The following MYH14 variants were observed in gnomAD, a reference collection of about 807,000 sequenced individuals.
The protein encoded by MYH14 is myosin heavy chain 14.
Under a neutral mutation model 255.5 loss-of-function variants are expected in MYH14, and 123 were observed. The observed-to-expected ratio is 0.48, with a 90% CI of 0.42 to 0.56. The LOEUF is 0.56. Ranked by LOEUF, MYH14 falls within the 20% of genes least tolerant of loss-of-function variation. The pLI, the probability that MYH14 is intolerant of heterozygous loss-of-function variation, is 0.00. For missense variants in MYH14, 2,423 were observed against 2,802.3 expected (o/e 0.86, Z 3.06); for synonymous variants, 1,095 against 1,161.2 (o/e 0.94, Z 1.16).
intron 12 of MYH14, among the ~76,000 whole-genome samples, chr19:50,248,538 C>A (rs542056690): frequency 1.9e-4 from 29 of 152,270 alleles, no homozygotes; most frequent in African/African-American, 7.0e-4. Flanking sequence ...GATGAGGAGT[C>A]TGGGAGCCAC....
In MYH14 at chr19:50,293,091, G is replaced by A. The variant is rs1287765585; in HGVS notation, c.5257-142G>A. The A allele has an allele frequency of 5.9e-6, 4 of 683,386 alleles. No individual in the cohort carries two copies. The highest frequency in any genetic ancestry group is 1.1e-5 in the Non-Finnish European group (4 of 374,626). The allele number at this position is 683,386 out of a possible 1,614,324, so 42.3% of individuals were successfully genotyped here. A position where few individuals can be genotyped will look rare whatever the true frequency, so the allele number is the denominator to read the frequency against. The stretch of plus-strand genomic sequence containing the variant: ...AGACAGATTTAGGAGACATCTGTAG[G>A]TTGCAGCTCATTCCAGGGTTACCCA... On this transcript the variant is annotated intron_variant, in intron 37 of 42. Transcript: ENST00000642316. The surrounding 1 kb of genome is among the most constrained non-coding windows in gnomAD (Gnocchi z 4.1).
rs2035499770 is a variant in MYH14 at position 50,276,148 on chromosome 19, C to T, written c.3625C>T (p.Leu1209=). Reference sequence around the variant, plus strand: ...GGACCTGGGCGAGGAGCTGGAGGCGCTGCGGGGCGAGCTGGAGGACACGCT... The same window carrying T: ...GGACCTGGGCGAGGAGCTGGAGGCGTTGCGGGGCGAGCTGGAGGACACGCT... The part of the protein sequence containing the change: ...RRDLGEELEA[L]RGELEDTLDS... The change falls in exon 28 of 43, where the codon CTG becomes TTG. Residue 1209 remains leucine, a synonymous_variant. Transcript: ENST00000642316. The surrounding 1 kb of genome is among the most constrained non-coding windows in gnomAD (Gnocchi z 4.3). 1.3e-6 allele frequency: 2 copies of T among 1,574,526 alleles called. No individual in the cohort carries two copies. Among genetic ancestry groups the T allele is most frequent in the African/African-American group, 1.4e-5 (1 of 74,056 alleles).
At chr19:50,256,989 G>A (rs1236304941) in intron 17 of MYH14, among the ~76,000 whole-genome samples, 2 of 152,172 alleles carry the variant, frequency 1.3e-5, no homozygotes, top group Non-Finnish European at 2.9e-5. Context: ...TATTGATAAG[G>A]AAAACAGAGA....
At chr19:50,237,948 A>AACC (rs76542041) in intron 10 of MYH14, among the ~76,000 whole-genome samples, 146,678 of 152,176 alleles carry the variant, frequency 0.96, 70,742 homozygotes, top group African/African-American at 0.99. Flanking sequence ...CCATGGTGGA[A>AACC]ACGTCTGACC....
intron 1 of MYH14, among the ~76,000 whole-genome samples, chr19:50,207,052 GAAAA>G (rs11334892): frequency 2.9e-3 from 112 of 38,616 alleles, no homozygotes; most frequent in African/African-American, 9.9e-3. Context: ...GTTTCTACCA[GAAAA>G]AAAAAAAAAA....
At position 50,260,636 on chromosome 19, in the gene MYH14, C is replaced by T; in HGVS notation, c.2355-10C>T. ...ACTCTCTCCTCCCCACCCCTCCCTG[C>T]TCATTGCAGATACGAGATCCTGACA... On this transcript the variant is annotated splice_polypyrimidine_tract_variant and intron_variant, in intron 19 of 42. Transcript: ENST00000642316. The T allele has an allele frequency of 6.2e-7, 1 of 1,609,138 alleles. No individual in the cohort carries two copies. Among genetic ancestry groups the T allele is most frequent in the South Asian group, 1.1e-5 (1 of 90,912 alleles).
chr19:50,273,925 G>A (rs565734228), intron 27 of MYH14, among the ~76,000 whole-genome samples: 11 of 152,160 alleles, frequency 7.2e-5, no homozygotes, highest in Non-Finnish European at 1.3e-4. Context: ...GCACCCGGCC[G>A]TGAACACACA....
chr19:50,307,229 C>A, intron 41 of MYH14, 72 bp downstream of exon 41: 1 of 920,636 alleles, frequency 1.1e-6, no homozygotes, highest in Non-Finnish European at 1.7e-6. Flanking sequence ...AGGCTGTCTC[C>A]AGAGGCAATG....
chr19:50,225,225 C>A (rs1353682968), intron 6 of MYH14, among the ~76,000 whole-genome samples: 3 of 152,228 alleles, frequency 2.0e-5, no homozygotes, highest in Admixed American at 2.0e-4. Context: ...GACCTTTCTC[C>A]ATATGTTTAC....
intron 39 of MYH14, among the ~76,000 whole-genome samples, chr19:50,299,503 AG>A (rs1188945826): frequency 6.9e-6 from 1 of 144,192 alleles, no homozygotes; most frequent in Non-Finnish European, 1.5e-5. Context: ...CCTGGGAGGC[AG>A]AGGTTGCAGT....
intron 3 of MYH14, among the ~76,000 whole-genome samples, chr19:50,218,648 G>A (rs4802668): frequency 0.5 from 76,194 of 151,564 alleles, 21,921 homozygotes; most frequent in Non-Finnish European, 0.64. Flanking sequence ...GGAAACAGGC[G>A]GGGTTTGGTT....
intron 2 of MYH14, among the ~76,000 whole-genome samples, chr19:50,211,335 A>G (rs1210360922): frequency 1.3e-5 from 2 of 152,128 alleles, no homozygotes; most frequent in African/African-American, 4.8e-5. Context: ...CCCTGTCTCA[A>G]AAAAAGACAA....
intron 12 of MYH14, among the ~76,000 whole-genome samples, chr19:50,248,059 C>CAAAAA (rs10588130): frequency 9.4e-6 from 1 of 106,830 alleles, no homozygotes; most frequent in Non-Finnish European, 1.9e-5. Context: ...GACTCTGTCT[C>CAAAAA]AAAAAAAAAA....
intron 3 of MYH14, 49 bp downstream of exon 3, chr19:50,217,820 G>A: frequency 6.3e-7 from 1 of 1,593,242 alleles, no homozygotes; most frequent in South Asian, 1.1e-5. Context: ...CTTCAACGGG[G>A]GCCTGACCTG....
At chr19:50,225,735 C>A in intron 7 of MYH14, 58 bp downstream of exon 7, 1 of 1,381,982 alleles carries the variant, frequency 7.2e-7, no homozygotes, top group Non-Finnish European at 1.0e-6. Flanking sequence ...CTGGGAACCT[C>A]AGGGTGGGCT....
intron 34 of MYH14, 149 bp downstream of exon 34, chr19:50,286,843 C>G: frequency 3.5e-6 from 3 of 854,232 alleles, no homozygotes; most frequent in Non-Finnish European, 5.4e-6. Flanking sequence ...GGCATGGTGG[C>G]TCACTCCTAT....
At chr19:50,241,004 G>C (rs949010679) in intron 10 of MYH14, among the ~76,000 whole-genome samples, 2 of 152,168 alleles carry the variant, frequency 1.3e-5, no homozygotes, top group African/African-American at 4.8e-5. Flanking sequence ...ATTTGTAAGT[G>C]TTTGGAACAG....
chr19:50,208,278 A>G (rs1428859485), intron 1 of MYH14, among the ~76,000 whole-genome samples: 2 of 152,096 alleles, frequency 1.3e-5, no homozygotes, highest in Non-Finnish European at 2.9e-5. Flanking sequence ...AGCCAGGCAT[A>G]GAGGCATGCG....
rs922192288 is a variant in MYH14, at chr19:50,221,993, T to C, written c.563-1090T>C. ...CAGGGTTTTGGAATCCTGGCTCTACTGACATTTGGGGCTGGATGATTCTTT... is the reference window on the plus strand; with the variant it reads ...CAGGGTTTTGGAATCCTGGCTCTACCGACATTTGGGGCTGGATGATTCTTT... On this transcript the variant is annotated intron_variant, in intron 3 of 42. Coordinates refer to ENST00000642316, the MANE Select transcript of MYH14 (RefSeq NM_001145809.2). This position sits in a 1 kb window ranked among gnomAD's most constrained non-coding sequence, Gnocchi z 5.3. Among the ~76,000 whole-genome samples the C allele has an allele frequency of 6.6e-6, 1 of 152,176 alleles. No individual in the cohort carries two copies. The highest frequency in any genetic ancestry group is 1.9e-4 in the East Asian group (1 of 5,196).
Sources: allele counts gnomAD v4.1 joint callset (sites outside exome capture counted in the v4.1 genomes callset), GRCh38; gene constraint gnomAD v4.1.1; non-coding constraint Gnocchi (gnomAD v3.1); transcripts MANE v1.5; gene names NCBI Gene and HGNC (gene_info 2026-07-23, HGNC 2026-07-21).